The following LPP variants were observed in gnomAD, a reference collection of about 807,000 sequenced individuals.
LPP encodes lipoma-preferred partner.
In LPP, 38 loss-of-function variants were observed where a neutral mutation model predicts 60.4. The ratio of observed to expected loss-of-function variants is 0.63; its 90% CI spans 0.49 to 0.83. The LOEUF (loss-of-function observed/expected upper bound fraction) is 0.83. Among genes scored for constraint, LPP ranks in the 40% least tolerant of loss-of-function variants. The pLI, the probability that LPP is intolerant of heterozygous loss-of-function variation, is 0.00. For synonymous variants in LPP, 328 were observed against 290.8 expected (o/e 1.13, Z -1.30); for missense variants, 902 against 783.6 (o/e 1.15, Z -1.80).
At chr3:188,212,982 C>T (rs2149218501) in intron 1 of LPP, 1 of 152,294 alleles carries the variant, frequency 6.6e-6, no homozygotes, top group South Asian at 2.1e-4. Flanking sequence ...GGGAGTACTT[C>T]TTACAGTGGG....
In LPP at chr3:188,639,207, C is replaced by T. The variant is rs570881040; in HGVS notation, c.1113+29363C>T. On this transcript the variant is annotated intron_variant, in intron 7 of 11. Coordinates refer to ENST00000617246, the MANE Select transcript of LPP (RefSeq NM_001375462.1). Reference sequence around the variant, plus strand: ...AACAGAACAGAGTCCTCAGAAATAACGCCGCATATCTACAACCATCTGATC... The same window carrying T: ...AACAGAACAGAGTCCTCAGAAATAATGCCGCATATCTACAACCATCTGATC... Among the ~76,000 whole-genome samples the T allele has an allele frequency of 1.0e-3, 156 of 152,166 alleles. 1 individual carries two copies. The highest frequency in any genetic ancestry group is 3.2e-3 in the African/African-American group (132 of 41,494).
Position 188,214,687 on chromosome 3 carries a change from C to G in LPP, c.-189-10718C>G, listed in dbSNP as rs185590641. ...ACAATCTGTCTCCTTCTGTGACCAG[C>G]TGAGGCTGGGTGGTGACTGTAAGCC... On this transcript the variant is annotated intron_variant, in intron 1 of 11. Coordinates refer to ENST00000617246, the MANE Select transcript of LPP (RefSeq NM_001375462.1). Among the ~76,000 whole-genome samples, 1,282 of 152,312 alleles carry G rather than the reference C, an allele frequency of 8.4e-3. 8 individuals carry two copies. The highest frequency in any genetic ancestry group is 0.014 in the Middle Eastern group (4 of 294).
At chr3:188,527,168 G>T (rs1820823618) in intron 6 of LPP, among the ~76,000 whole-genome samples, 1 of 151,912 alleles carries the variant, frequency 6.6e-6, no homozygotes, top group African/African-American at 2.4e-5. Context: ...TGGCCAACAT[G>T]GTGAAACCCC....
chr3:188,753,936 T>G (rs1577353639), intron 8 of LPP, among the ~76,000 whole-genome samples: 1 of 152,284 alleles, frequency 6.6e-6, no homozygotes, highest in African/African-American at 2.4e-5. Context: ...ACATGTGTCC[T>G]ACAGTCCAGC....
At chr3:188,207,623 T>TC (rs1330089743) in intron 1 of LPP, among the ~76,000 whole-genome samples, 4 of 140,670 alleles carry the variant, frequency 2.8e-5, no homozygotes, top group African/African-American at 2.7e-5. Context: ...TTTTTCTTCT[T>TC]TTTTTTTTTT....
At chr3:188,666,599 T>C (rs1171012614) in intron 7 of LPP, among the ~76,000 whole-genome samples, 1 of 152,226 alleles carries the variant, frequency 6.6e-6, no homozygotes, top group Non-Finnish European at 1.5e-5. Flanking sequence ...GATTTCTTTA[T>C]AACAATTATT....
intron 3 of LPP, among the ~76,000 whole-genome samples, chr3:188,378,113 C>T (rs946724975): frequency 6.6e-6 from 1 of 152,314 alleles, no homozygotes; most frequent in Non-Finnish European, 1.5e-5. Context: ...TCCGTCTGCC[C>T]CTACTGGGGG....
intron 7 of LPP, among the ~76,000 whole-genome samples, chr3:188,648,095 T>A (rs917053741): frequency 6.6e-6 from 1 of 152,220 alleles, no homozygotes; most frequent in African/African-American, 2.4e-5. Context: ...AAAATTTTAA[T>A]GGAACCTTCC....
intron 3 of LPP, among the ~76,000 whole-genome samples, chr3:188,390,517 A>G (rs550201863): frequency 1.6e-4 from 25 of 151,772 alleles, no homozygotes; most frequent in African/African-American, 6.0e-4. Context: ...TCCATTTTAC[A>G]GGTGAGGAAA....
chr3:188,250,734 CTTTCTT>C (rs1728883616), intron 2 of LPP, among the ~76,000 whole-genome samples: 7 of 80,486 alleles, frequency 8.7e-5, no homozygotes, highest in African/African-American at 3.2e-4. Context: ...CTCTTTCTTT[CTTTCTT>C]TCTTTCTTTC....
intron 2 of LPP, among the ~76,000 whole-genome samples, chr3:188,251,707 G>C (rs934236449): frequency 6.6e-6 from 1 of 151,796 alleles, no homozygotes; most frequent in African/African-American, 2.4e-5. Flanking sequence ...CCAAGACTGA[G>C]GGTATATTGT....
intron 6 of LPP, among the ~76,000 whole-genome samples, chr3:188,590,962 TAAG>T (rs1838569897): frequency 1.3e-5 from 2 of 152,310 alleles, no homozygotes; most frequent in Admixed American, 6.5e-5. Flanking sequence ...TAGACAAATC[TAAG>T]AAGTGTGTGA....
chr3:188,380,952 A>G (rs1776718182), intron 3 of LPP, among the ~76,000 whole-genome samples: 1 of 152,250 alleles, frequency 6.6e-6, no homozygotes, highest in Non-Finnish European at 1.5e-5. Context: ...TCACAGAGCT[A>G]GTAGGTGACA....
chr3:188,727,778 T>C (rs1718964713), intron 8 of LPP, among the ~76,000 whole-genome samples: 1 of 152,156 alleles, frequency 6.6e-6, no homozygotes, highest in South Asian at 2.1e-4. Flanking sequence ...ATTTTTCAGA[T>C]GAGAAAATTG....
intron 4 of LPP, among the ~76,000 whole-genome samples, chr3:188,410,234 A>G (rs1264196258): frequency 6.6e-6 from 1 of 152,224 alleles, no homozygotes; most frequent in African/African-American, 2.4e-5. Context: ...CTCCAGACAC[A>G]GGTTCTAGGT....
chr3:188,247,326 G>C (rs1449472328), intron 2 of LPP: 1 of 193,082 alleles, frequency 5.2e-6, no homozygotes, highest in Non-Finnish European at 9.4e-6. Context: ...GTTGGTAGGA[G>C]AGCAATACCT....
intron 2 of LPP, among the ~76,000 whole-genome samples, chr3:188,299,926 C>A (rs73061532): frequency 0.043 from 6,540 of 152,208 alleles, 471 homozygotes; most frequent in African/African-American, 0.14. Flanking sequence ...TGTTGAATGG[C>A]TCAGATGAGT....
At chr3:188,488,736 A>G (rs1807384816) in intron 5 of LPP, among the ~76,000 whole-genome samples, 1 of 152,016 alleles carries the variant, frequency 6.6e-6, no homozygotes, top group South Asian at 2.1e-4. Context: ...TCCCAGGTTC[A>G]AGCGATTCTC....
At chr3:188,481,125 T>C (rs1804652085) in intron 4 of LPP, among the ~76,000 whole-genome samples, 1 of 152,236 alleles carries the variant, frequency 6.6e-6, no homozygotes, top group African/African-American at 2.4e-5. Flanking sequence ...AGAATTCTCT[T>C]AAACTTTTAG....
Sources: allele counts gnomAD v4.1 joint callset (sites outside exome capture counted in the v4.1 genomes callset), GRCh38; gene constraint gnomAD v4.1.1; transcripts MANE v1.5; gene names NCBI Gene and HGNC (gene_info 2026-07-23, HGNC 2026-07-21).